Variants in ADAP1 observed in about 807,000 individuals in gnomAD.
ADAP1 encodes ArfGAP with dual PH domains 1.
Under a neutral mutation model 54.9 loss-of-function variants are expected in ADAP1, and 31 were observed. The ratio of observed to expected loss-of-function variants is 0.56; its 90% CI spans 0.42 to 0.76. ADAP1 has a LOEUF of 0.76. Among genes scored for constraint, ADAP1 ranks in the 30% least tolerant of loss-of-function variants. ADAP1 has a pLI of 0.00. For missense variants in ADAP1, 535 were observed against 512.4 expected (o/e 1.04, Z -0.42); for synonymous variants, 313 against 202.6 (o/e 1.55, Z -4.63).
In ADAP1 at chr7:911,781, G is replaced by A. The variant is rs573478351; in HGVS notation, c.389-6609C>T. ...TCCCACGGAGGGCCAGGAAGGGGGC[G>A]GGGGTCCCACGGAGGGCCAGGAAGG... On this transcript the variant is annotated intron_variant, in intron 4 of 10. Transcript: ENST00000265846. 8.4e-5 allele frequency among the ~76,000 whole-genome samples: 12 copies of A among 142,798 alleles called. No homozygotes were observed. In the South Asian group the frequency reaches 1.4e-3, roughly 17 times the overall value. 93.7% of individuals were successfully genotyped at this position (142,798 alleles called of 152,430 possible).
At chr7:910,700 A>G (rs10226707) in intron 4 of ADAP1, among the ~76,000 whole-genome samples, 138 of 152,348 alleles carry the variant, frequency 9.1e-4, no homozygotes, top group African/African-American at 3.2e-3. Flanking sequence ...TCTGAGTGAC[A>G]GCTCACAGGG....
chr7:950,585 G>A (rs1317909033), intron 1 of ADAP1, among the ~76,000 whole-genome samples: 2 of 152,072 alleles, frequency 1.3e-5, no homozygotes, highest in East Asian at 3.8e-4. Flanking sequence ...GGCCAGGCAC[G>A]GTGGCTCATG....
At chr7:936,150 C>T (rs1336599045) in intron 1 of ADAP1, among the ~76,000 whole-genome samples, 1 of 152,176 alleles carries the variant, frequency 6.6e-6, no homozygotes, top group African/African-American at 2.4e-5. Context: ...CTTAAAAGGT[C>T]CAACAAAGCT....
intron 4 of ADAP1, among the ~76,000 whole-genome samples, chr7:914,549 C>T (rs1374180065): frequency 6.6e-6 from 1 of 152,188 alleles, no homozygotes; most frequent in East Asian, 1.9e-4. Context: ...CCCACCCAGA[C>T]ATGGGCTCAG....
chr7:931,214 G>T (rs1184736857), intron 2 of ADAP1, among the ~76,000 whole-genome samples: 1 of 152,162 alleles, frequency 6.6e-6, no homozygotes, highest in African/African-American at 2.4e-5. Flanking sequence ...GGTGGGGACG[G>T]TGCTCAAAGG....
At chr7:899,332 G>A (rs942627198) in intron 9 of ADAP1, 71 bp from the exon 10 acceptor site, 103 of 1,603,988 alleles carry the variant, frequency 6.4e-5, no homozygotes, top group African/African-American at 9.4e-5. Flanking sequence ...GCCAGGACTC[G>A]GGAGGCCACC....
chr7:947,849 C>T (rs2128112356), intron 1 of ADAP1, among the ~76,000 whole-genome samples: 1 of 152,246 alleles, frequency 6.6e-6, no homozygotes, highest in South Asian at 2.1e-4. Context: ...CAGCGCAGCC[C>T]TCACAGCGTC....
intron 4 of ADAP1, among the ~76,000 whole-genome samples, chr7:916,655 C>A (rs867089015): frequency 6.6e-6 from 1 of 152,300 alleles, no homozygotes; most frequent in South Asian, 2.1e-4. Context: ...CTTGCTCTCT[C>A]CCTCACACAC....
intron 4 of ADAP1, among the ~76,000 whole-genome samples, chr7:915,913 C>A (rs1289444981): frequency 2.0e-5 from 3 of 146,782 alleles, no homozygotes; most frequent in Non-Finnish European, 3.0e-5. Flanking sequence ...AACCCAGAAC[C>A]CGCGCCCACT....
At chr7:917,503 C>T (rs937473262) in intron 4 of ADAP1, among the ~76,000 whole-genome samples, 2 of 152,160 alleles carry the variant, frequency 1.3e-5, no homozygotes, top group Non-Finnish European at 2.9e-5. Context: ...TTTGCTCTGC[C>T]GCCCAGGCTG....
At chr7:950,856 C>CAAAAAAA (rs34720533) in intron 1 of ADAP1, among the ~76,000 whole-genome samples, 1 of 84,974 alleles carries the variant, frequency 1.2e-5, no homozygotes, top group African/African-American at 4.8e-5. Context: ...GACTCCGTCT[C>CAAAAAAA]AAAAAAAAAA....
At chr7:906,719 GGGAC>G (rs1204346053) in intron 4 of ADAP1, among the ~76,000 whole-genome samples, 999 of 23,826 alleles carry the variant, frequency 0.042, 57 homozygotes, top group East Asian at 0.25. Flanking sequence ...CGGGACATCG[GGGAC>G]GGGACATGGG....
rs1477404520 is a variant in ADAP1, at chr7:920,719, CCACT to C, written c.306-673_306-670del. 2.3e-5 allele frequency: 32 copies of C among 1,392,148 alleles called. No individual in the cohort carries two copies. The highest frequency in any genetic ancestry group is 3.1e-5 in the Non-Finnish European group (32 of 1,017,952). The allele number at this position is 1,392,148 out of a possible 1,614,324, so 86.2% of individuals were successfully genotyped here. Reference sequence around the variant, plus strand: ...CCGGGACGAGGGCCCCCCACGGCACCCACTGAGCCCAGACATCCCTGCCCAGAGC... The same window carrying C: ...CCGGGACGAGGGCCCCCCACGGCACCGAGCCCAGACATCCCTGCCCAGAGC... On this transcript the variant is annotated intron_variant, in intron 3 of 10. Transcript: ENST00000265846. The surrounding 1 kb of genome is among the most constrained non-coding windows in gnomAD (Gnocchi z 4.5).
chr7:899,284 A>AG, intron 9 of ADAP1, 23 bp from the exon 10 acceptor site: 1 of 1,611,626 alleles, frequency 6.2e-7, no homozygotes, highest in South Asian at 1.1e-5. Flanking sequence ...ACCGCACTGG[A>AG]GGCGGGGCCA....
Position 920,188 on chromosome 7 carries a change from A to T in ADAP1, c.306-138T>A. The T allele has an allele frequency of 1.5e-6, 1 of 651,720 alleles. No individual in the cohort carries two copies. Among genetic ancestry groups the T allele is most frequent in the Non-Finnish European group, 2.6e-6 (1 of 382,986 alleles). The allele number at this position is 651,720 out of a possible 1,614,324, so 40.4% of individuals were successfully genotyped here. A position where few individuals can be genotyped will look rare whatever the true frequency, so the allele number is the denominator to read the frequency against. On this transcript the variant is annotated intron_variant, in intron 3 of 10. Transcript: ENST00000265846. The surrounding 1 kb of genome is among the most constrained non-coding windows in gnomAD (Gnocchi z 4.5). ...AGACTCGAGCCGCCCCTCTGGGCAC[A>T]AGATCCCGGAAGAAATGCAGGGTCA... is the stretch of plus-strand genomic sequence containing the variant.
chr7:905,270 C>CACGGGGGAGACGG (rs1562911024), intron 4 of ADAP1, 98 bp from the exon 5 acceptor site: 2 of 507,894 alleles, frequency 3.9e-6, no homozygotes, highest in Admixed American at 2.9e-5. Flanking sequence ...GGGGAGAAGA[C>CACGGGGGAGACGG]ACGGGGGACA....
chr7:903,606 TGG>T (rs1844930669), intron 6 of ADAP1, among the ~76,000 whole-genome samples: 1 of 152,106 alleles, frequency 6.6e-6, no homozygotes, highest in Non-Finnish European at 1.5e-5. Flanking sequence ...ATAGCTTTTG[TGG>T]GGGTTTTACC....
chr7:950,878 A>C (rs67268852), intron 1 of ADAP1, among the ~76,000 whole-genome samples: 2 of 138,294 alleles, frequency 1.4e-5, no homozygotes, highest in Non-Finnish European at 3.1e-5. Flanking sequence ...AAAAAAAAAA[A>C]CAAGAAAAGA....
At chr7:927,606 C>A in intron 2 of ADAP1, 1 of 416,072 alleles carries the variant, frequency 2.4e-6, no homozygotes, top group Non-Finnish European at 4.9e-6. Flanking sequence ...CTGGAGAAAT[C>A]ACAAGCAACA....
Sources: allele counts gnomAD v4.1 joint callset (sites outside exome capture counted in the v4.1 genomes callset), GRCh38; gene constraint gnomAD v4.1.1; non-coding constraint Gnocchi (gnomAD v3.1); transcripts MANE v1.5; gene names NCBI Gene and HGNC (gene_info 2026-07-23, HGNC 2026-07-21).